NPL: variants seen among roughly 807,000 people sequenced by gnomAD.
The protein encoded by NPL is N-acetylneuraminate pyruvate lyase.
Under a neutral mutation model 41.1 loss-of-function variants are expected in NPL, and 32 were observed. That is an observed-to-expected ratio of 0.78 (90% CI 0.59 to 1.05). The LOEUF is 1.05. Ranked by LOEUF, NPL falls within the 50% of genes least tolerant of loss-of-function variation. NPL has a pLI of 0.00. For missense variants in NPL, 321 were observed against 378.4 expected, an observed-to-expected ratio of 0.85 and a Z score of 1.26; for synonymous variants, 128 against 134.9, an observed-to-expected ratio of 0.95 and a Z score of 0.35.
intron 3 of NPL, among the ~76,000 whole-genome samples, chr1:182,794,939 T>A (rs901153363): frequency 6.6e-6 from 1 of 152,248 alleles, no homozygotes; most frequent in Non-Finnish European, 1.5e-5. Context: ...CAAGATGGAC[T>A]CTTTTTTCCT....
chr1:182,798,470 C>T (rs1239970908), intron 3 of NPL, among the ~76,000 whole-genome samples: 1 of 152,054 alleles, frequency 6.6e-6, no homozygotes, highest in African/African-American at 2.4e-5. Context: ...TCAAGTGATC[C>T]GCCCGTCTCG....
intron 6 of NPL, among the ~76,000 whole-genome samples, chr1:182,813,776 G>T (rs1667245660): frequency 1.3e-5 from 2 of 152,156 alleles, no homozygotes; most frequent in South Asian, 4.1e-4. Context: ...TGCTTGAATG[G>T]ACACTGCCAT....
At chr1:182,812,836 G>A (rs186018847) in intron 6 of NPL, among the ~76,000 whole-genome samples, 157 of 152,122 alleles carry the variant, frequency 1.0e-3, no homozygotes, top group African/African-American at 3.4e-3. Flanking sequence ...AGGGGTTAAA[G>A]TTCCTGGCAG....
chr1:182,812,148 T>C lies in NPL; in HGVS notation c.231-8T>C, dbSNP rs2102551469. 8.1e-6 allele frequency: 13 copies of C among 1,613,904 alleles called. No individual in the cohort carries two copies. The highest frequency in any genetic ancestry group is 1.7e-4 in the Middle Eastern group (1 of 6,060). On this transcript the variant is annotated splice_polypyrimidine_tract_variant and splice_region_variant and intron_variant, in intron 5 of 12. Transcript: ENST00000367553. ...CTAAGCGATGCAGCAGTGTTTTTTC[T>C]TTTGCAGGCTGGATCAGGTGATAAT... is the stretch of plus-strand genomic sequence containing the variant.
intron 6 of NPL, among the ~76,000 whole-genome samples, chr1:182,813,790 C>T (rs1426243841): frequency 6.6e-6 from 1 of 152,188 alleles, no homozygotes; most frequent in Non-Finnish European, 1.5e-5. Flanking sequence ...CTGCCATCAA[C>T]TCTCTTAGGT....
chr1:182,804,171 C>G (rs967067666), intron 4 of NPL, among the ~76,000 whole-genome samples: 11 of 152,122 alleles, frequency 7.2e-5, no homozygotes, highest in African/African-American at 2.7e-4. Flanking sequence ...TCTATCTCCC[C>G]CTGGGCTGGA....
chr1:182,812,269 C>T (rs1667199131), intron 6 of NPL, 56 bp downstream of exon 6: 9 of 1,479,364 alleles, frequency 6.1e-6, no homozygotes, highest in Admixed American at 1.7e-5. Context: ...ATTTTTATGC[C>T]GCAGTTAAAA....
chr1:182,794,762 CAG>C (rs781079864), intron 3 of NPL, among the ~76,000 whole-genome samples: 3 of 152,218 alleles, frequency 2.0e-5, no homozygotes, highest in Non-Finnish European at 4.4e-5. Context: ...CCTTTCTAAA[CAG>C]GGCCAGTAGC....
Position 182,790,007 on chromosome 1 carries a change from G to T in NPL, c.-72+202G>T, listed in dbSNP as rs112472194. Among the ~76,000 whole-genome samples, 598 of 152,236 alleles carry T rather than the reference G, an allele frequency of 3.9e-3. 2 individuals carry two copies. The highest frequency in any genetic ancestry group is 0.014 in the African/African-American group (562 of 41,548). On this transcript the variant is annotated intron_variant, in intron 1 of 12. Coordinates refer to ENST00000367553, the MANE Select transcript of NPL (RefSeq NM_030769.3). ...TGCGAAAAGTGTAGGGACAGACGGG[G>T]GCAGAAGAACTTACTCCCCCGGATT...
chr1:182,792,746 C>T (rs992123084), intron 2 of NPL, among the ~76,000 whole-genome samples: 9 of 152,214 alleles, frequency 5.9e-5, no homozygotes, highest in Admixed American at 6.5e-5. Context: ...TTGCTGAGAA[C>T]ATGTCTGTTT....
Position 182,829,757 on chromosome 1 carries a change from A to C in NPL, c.*849A>C, listed in dbSNP as rs1021030222. ...CCTTTCTGCAGTGAGCCCAGGGGCT[A>C]ATGTTATTATCCTGTCACACTTGCA... On this transcript the variant is annotated 3_prime_UTR_variant, in exon 13 of 13. Coordinates refer to ENST00000367553, the MANE Select transcript of NPL (RefSeq NM_030769.3). 1.6e-5 allele frequency: 14 copies of C among 891,668 alleles called. No homozygotes were observed. Among genetic ancestry groups the C allele is most frequent in the Non-Finnish European group, 2.5e-5 (14 of 556,640 alleles). 55.2% of individuals were successfully genotyped at this position (891,668 alleles called of 1,614,324 possible).
intron 2 of NPL, 151 bp from the exon 3 acceptor site, chr1:182,794,205 G>T: frequency 1.4e-6 from 1 of 736,742 alleles, no homozygotes. Context: ...ATAGAATTAA[G>T]CACTAAAATT....
At chr1:182,793,198 AAAAC>A (rs796435122) in intron 2 of NPL, among the ~76,000 whole-genome samples, 42 of 152,336 alleles carry the variant, frequency 2.8e-4, no homozygotes, top group African/African-American at 1.0e-3. Flanking sequence ...TATAGCTCAA[AAAAC>A]AATAATGCTT....
chr1:182,790,611 C>CTTT (rs758959076), intron 1 of NPL, among the ~76,000 whole-genome samples: 1 of 133,490 alleles, frequency 7.5e-6, no homozygotes, highest in East Asian at 2.2e-4. Context: ...CTGTTAAAGT[C>CTTT]TTTTGTTGTT....
chr1:182,807,115 G>A (rs1667037117), intron 5 of NPL, among the ~76,000 whole-genome samples: 1 of 152,176 alleles, frequency 6.6e-6, no homozygotes, highest in South Asian at 2.1e-4. Context: ...TGGGATTACA[G>A]GTGTAAGCCA....
At position 182,829,704 on chromosome 1, in the gene NPL, C is replaced by G. The variant is rs1199077062; in HGVS notation, c.*796C>G. 1.6e-5 allele frequency: 22 copies of G among 1,389,094 alleles called. No individual in the cohort carries two copies. The Admixed American group carries it at 2.0e-4, about 13-fold the overall frequency. 86.0% of individuals were successfully genotyped at this position (1,389,094 alleles called of 1,614,324 possible). On this transcript the variant is annotated 3_prime_UTR_variant, in exon 13 of 13. Transcript: ENST00000367553. ...AGAAGACTGTCTCTCCCGCAGGACC[C>G]TGAATTATTGAAATCGAAGGCTGAC...
intron 2 of NPL, among the ~76,000 whole-genome samples, chr1:182,792,961 G>A (rs1230846661): frequency 6.6e-6 from 1 of 152,172 alleles, no homozygotes; most frequent in Non-Finnish European, 1.5e-5. Flanking sequence ...CATTATGTGG[G>A]TTAGATTTAA....
At chr1:182,797,798 C>CTA (rs113187941) in intron 3 of NPL, among the ~76,000 whole-genome samples, 4,386 of 152,278 alleles carry the variant, frequency 0.029, 139 homozygotes, top group Middle Eastern at 0.088. Context: ...TGTTACTTGT[C>CTA]TATGTCTTCC....
chr1:182,803,646 A>T, intron 3 of NPL, 52 bp from the exon 4 acceptor site: 1 of 1,224,658 alleles, frequency 8.2e-7, no homozygotes, highest in South Asian at 1.2e-5. Context: ...GCATTTGTTG[A>T]ATAATAATCT....
Sources: allele counts gnomAD v4.1 joint callset (sites outside exome capture counted in the v4.1 genomes callset), GRCh38; gene constraint gnomAD v4.1.1; transcripts MANE v1.5; gene names NCBI Gene and HGNC (gene_info 2026-07-23, HGNC 2026-07-21).